AMMECR1: variants seen among roughly 807,000 people sequenced by gnomAD.
AMMECR1 encodes AMMECR nuclear protein 1.
Under a neutral mutation model 22.5 loss-of-function variants are expected in AMMECR1, and 3 were observed. The observed-to-expected ratio is 0.13, with a 90% CI of 0.06 to 0.35. The LOEUF (loss-of-function observed/expected upper bound fraction) is 0.35. Among genes scored for constraint, AMMECR1 ranks in the 10% least tolerant of loss-of-function variants. The probability of loss-of-function intolerance (pLI) is 1.00; values close to 1 mark genes in which losing one functional copy is unlikely to be tolerated. For missense variants in AMMECR1, 235 were observed against 278.7 expected (o/e 0.84, Z 1.12); for synonymous variants, 130 against 116.7 (o/e 1.11, Z -0.74).
At chrX:110,239,174 G>A (rs1341201526) in intron 2 of AMMECR1, among the ~76,000 whole-genome samples, 4 of 111,278 alleles carry the variant, frequency 3.6e-5, no homozygotes, top group Non-Finnish European at 7.5e-5. Flanking sequence ...TCGCCAACAA[G>A]GGAACAAAAC....
intron 2 of AMMECR1, among the ~76,000 whole-genome samples, chrX:110,239,984 A>G (rs1212488848): frequency 9.0e-6 from 1 of 111,612 alleles, no homozygotes; most frequent in East Asian, 2.8e-4. Flanking sequence ...GAGAAATAAA[A>G]TCCTTTATAG....
At chrX:110,349,807 A>G (rs2068204327) in intron 2 of AMMECR1, among the ~76,000 whole-genome samples, 1 of 112,055 alleles carries the variant, frequency 8.9e-6, no homozygotes, top group Middle Eastern at 4.6e-3. Context: ...ACTGAGATAC[A>G]TACACATTAC....
chrX:110,225,829 G>A (rs1305875350), intron 2 of AMMECR1, among the ~76,000 whole-genome samples: 2 of 111,485 alleles, frequency 1.8e-5, no homozygotes, highest in Non-Finnish European at 3.8e-5. Flanking sequence ...AAAAGAATGT[G>A]CATGCCACCA....
intron 2 of AMMECR1, among the ~76,000 whole-genome samples, chrX:110,241,364 A>G (rs1452768417): frequency 1.8e-5 from 2 of 112,092 alleles, no homozygotes; most frequent in Non-Finnish European, 3.8e-5. Flanking sequence ...AAAAGAGAGA[A>G]GGATCAAACA....
chrX:110,363,873 T>C (rs1452931963), intron 2 of AMMECR1, among the ~76,000 whole-genome samples: 2 of 111,904 alleles, frequency 1.8e-5, no homozygotes, highest in Non-Finnish European at 3.8e-5. Context: ...TATGATATCA[T>C]AGAATTCTAT....
intron 1 of AMMECR1, among the ~76,000 whole-genome samples, chrX:110,286,364 T>C (rs2067879935): frequency 9.0e-6 from 1 of 110,873 alleles, no homozygotes; most frequent in Non-Finnish European, 1.9e-5. Context: ...AATGGGCACA[T>C]GACCATTAAA....
chrX:110,260,846 A>C (rs2067737169), intron 2 of AMMECR1, among the ~76,000 whole-genome samples: 1 of 112,304 alleles, frequency 8.9e-6, no homozygotes, highest in Non-Finnish European at 1.9e-5. Flanking sequence ...CATACAATGG[A>C]ATATATTCTG....
At chrX:110,325,238 A>G (rs1394467177) in intron 2 of AMMECR1, among the ~76,000 whole-genome samples, 3 of 112,267 alleles carry the variant, frequency 2.7e-5, no homozygotes, top group African/African-American at 9.7e-5. Flanking sequence ...ACGATGTACA[A>G]TAATCTCATC....
intron 2 of AMMECR1, among the ~76,000 whole-genome samples, chrX:110,356,106 G>A (rs898467734): frequency 9.4e-6 from 1 of 106,523 alleles, no homozygotes; most frequent in African/African-American, 3.4e-5. Context: ...AAGGGAAGAT[G>A]TTGATCAAAT....
At chrX:110,384,670 T>G (rs760098872) in intron 2 of AMMECR1, among the ~76,000 whole-genome samples, 1 of 111,219 alleles carries the variant, frequency 9.0e-6, no homozygotes, top group African/African-American at 3.3e-5. Flanking sequence ...GTATCATGGC[T>G]CACTCTGAAC....
At chrX:110,331,594 T>C (rs770763407) in intron 2 of AMMECR1, among the ~76,000 whole-genome samples, 2 of 111,596 alleles carry the variant, frequency 1.8e-5, no homozygotes, top group South Asian at 7.6e-4. Context: ...CTGAGAGCCA[T>C]GTGACTACTC....
At chrX:110,215,714 A>G (rs1488376104) in intron 3 of AMMECR1, among the ~76,000 whole-genome samples, 2 of 111,912 alleles carry the variant, frequency 1.8e-5, no homozygotes, top group Non-Finnish European at 3.8e-5. Flanking sequence ...GACATGCTTC[A>G]TGGTGGGAAC....
intron 3 of AMMECR1, among the ~76,000 whole-genome samples, chrX:110,207,459 T>C (rs1162837021): frequency 1.8e-5 from 2 of 111,307 alleles, no homozygotes; most frequent in Non-Finnish European, 3.8e-5. Flanking sequence ...TTCTTTGAGC[T>C]AGAAAAGTTA....
chrX:110,290,208 G>A (rs979834704), intron 1 of AMMECR1, among the ~76,000 whole-genome samples: 2 of 111,718 alleles, frequency 1.8e-5, no homozygotes, highest in Non-Finnish European at 3.8e-5. Flanking sequence ...ATATTTATGT[G>A]TTGCTAGCAA....
intron 2 of AMMECR1, among the ~76,000 whole-genome samples, chrX:110,371,304 A>C (rs1203854833): frequency 2.7e-5 from 3 of 110,846 alleles, no homozygotes; most frequent in African/African-American, 9.9e-5. Context: ...TTTGGGGTAC[A>C]TGAGATGTTC....
chrX:110,342,457 C>T (rs1208801752), intron 2 of AMMECR1, among the ~76,000 whole-genome samples: 4 of 111,330 alleles, frequency 3.6e-5, no homozygotes, highest in Admixed American at 9.4e-5. Flanking sequence ...CTGCACCCTC[C>T]GCCTCCTGGG....
intron 2 of AMMECR1, among the ~76,000 whole-genome samples, chrX:110,221,138 A>G (rs2067497994): frequency 8.9e-6 from 1 of 112,275 alleles, no homozygotes; most frequent in African/African-American, 3.2e-5. Context: ...TTAAAACCCA[A>G]ATTAAAAATC....
At chrX:110,206,123 T>TC (rs1260873496) in intron 3 of AMMECR1, among the ~76,000 whole-genome samples, 1 of 112,183 alleles carries the variant, frequency 8.9e-6, no homozygotes, top group African/African-American at 3.2e-5. Context: ...CTCAGCCCCA[T>TC]CCTCTTTCGT....
intron 2 of AMMECR1, among the ~76,000 whole-genome samples, chrX:110,237,161 A>C (rs2067605831): frequency 1.8e-5 from 2 of 111,664 alleles, no homozygotes; most frequent in African/African-American, 3.3e-5. Flanking sequence ...CCTTCTTATA[A>C]AGGAACATCT....
Sources: allele counts gnomAD v4.1 joint callset (sites outside exome capture counted in the v4.1 genomes callset), GRCh38; gene constraint gnomAD v4.1.1; transcripts MANE v1.5; gene names NCBI Gene and HGNC (gene_info 2026-07-23, HGNC 2026-07-21).